Variants in AFAP1L1 observed in about 807,000 individuals in gnomAD.
AFAP1L1 encodes actin filament-associated protein 1-like 1.
Under a neutral mutation model 99.8 loss-of-function variants are expected in AFAP1L1, and 77 were observed. That is an observed-to-expected ratio of 0.77 (90% CI 0.64 to 0.93). AFAP1L1 has a LOEUF of 0.93. Ranked by LOEUF, AFAP1L1 falls within the 40% of genes least tolerant of loss-of-function variation. AFAP1L1 has a pLI of 0.00. For missense variants in AFAP1L1, 893 were observed against 996.8 expected (o/e 0.90, Z 1.40); for synonymous variants, 373 against 395.3 (o/e 0.94, Z 0.67).
intron 7 of AFAP1L1, 145 bp downstream of exon 7, chr5:149,307,758 T>C: frequency 1.3e-6 from 1 of 780,380 alleles, no homozygotes; most frequent in South Asian, 1.7e-5. Context: ...GCTCCCAAGA[T>C]CAGGACTTTC....
At chr5:149,284,705 C>G (rs1305021495) in intron 1 of AFAP1L1, among the ~76,000 whole-genome samples, 1 of 152,148 alleles carries the variant, frequency 6.6e-6, no homozygotes, top group Non-Finnish European at 1.5e-5. Context: ...AACTGGTGTT[C>G]TGGGCCCTGG....
chr5:149,296,287 GC>G (rs1257019488), intron 1 of AFAP1L1, among the ~76,000 whole-genome samples: 3 of 152,176 alleles, frequency 2.0e-5, no homozygotes, highest in African/African-American at 7.2e-5. Context: ...GCCCACCTCA[GC>G]CTCCCAAAAT....
chr5:149,314,824 A>C (rs1444953197), intron 9 of AFAP1L1, among the ~76,000 whole-genome samples: 1 of 152,234 alleles, frequency 6.6e-6, no homozygotes, highest in Non-Finnish European at 1.5e-5. Flanking sequence ...AGAGCTCTGT[A>C]ATTCCACCTT....
chr5:149,277,304 T>C (rs577735799), intron 1 of AFAP1L1, among the ~76,000 whole-genome samples: 1 of 152,366 alleles, frequency 6.6e-6, no homozygotes, highest in Non-Finnish European at 1.5e-5. Context: ...CTGATGCTCT[T>C]CTTTTCATGA....
At chr5:149,304,236 A>G (rs1756324622) in intron 5 of AFAP1L1, 1 of 152,218 alleles carries the variant, frequency 6.6e-6, no homozygotes, top group Non-Finnish European at 1.5e-5. Flanking sequence ...ATCCCACCAT[A>G]CGGATAGACC....
intron 18 of AFAP1L1, among the ~76,000 whole-genome samples, chr5:149,339,434 C>T (rs558731541): frequency 1.3e-5 from 2 of 152,080 alleles, no homozygotes; most frequent in African/African-American, 2.4e-5. Flanking sequence ...CCTCGTGATC[C>T]GCCCACCTCG....
chr5:149,273,646 A>C (rs1471014719), intron 1 of AFAP1L1, among the ~76,000 whole-genome samples: 1 of 152,160 alleles, frequency 6.6e-6, no homozygotes, highest in Non-Finnish European at 1.5e-5. Context: ...TTTCTAGGCA[A>C]GTGTGAAGAG....
chr5:149,319,498 T>A lies in AFAP1L1; in HGVS notation c.1480-84T>A, dbSNP rs533914302. On this transcript the variant is annotated intron_variant, in intron 12 of 18. Transcript: ENST00000296721. The stretch of plus-strand genomic sequence containing the variant: ...GGTACGTAGTCAGTACTTACAAATA[T>A]TTCTGGGTTTGGCTGAAGTCAACAG... 6.8e-6 allele frequency: 10 copies of A among 1,479,830 alleles called. No homozygotes were observed. The Admixed American group carries it at 1.9e-4, about 28-fold the overall frequency. The allele number at this position is 1,479,830 out of a possible 1,614,324, so 91.7% of individuals were successfully genotyped here.
intron 15 of AFAP1L1, among the ~76,000 whole-genome samples, chr5:149,323,705 T>C (rs1360722946): frequency 6.6e-6 from 1 of 152,230 alleles, no homozygotes; most frequent in African/African-American, 2.4e-5. Flanking sequence ...GACTACTGAA[T>C]TACTGTGTAC....
chr5:149,307,558 A>G lies in AFAP1L1; in HGVS notation c.692A>G (p.Lys231Arg). Residue 231 changes from lysine (K) to arginine (R), a missense_variant, in exon 7 of 19, where the codon AAG becomes AGG. Physicochemically the swap from Lys to Arg is conservative, Grantham distance 26 (BLOSUM62 2). Transcript: ENST00000296721. ...ATATGTGCCTTCCTGCTGCGGAAAA[A>G]GCGTTTCGGGCAGTGGGCCAAGCAG... ...CRICAFLLRK[K>R]RFGQWAKQLT... 1 of 1,613,590 alleles carries G rather than the reference A, an allele frequency of 6.2e-7. No homozygotes were observed. The highest frequency in any genetic ancestry group is 8.5e-7 in the Non-Finnish European group (1 of 1,179,938).
chr5:149,280,173 A>T (rs558114345), intron 1 of AFAP1L1, among the ~76,000 whole-genome samples: 1 of 152,350 alleles, frequency 6.6e-6, no homozygotes, highest in East Asian at 1.9e-4. Context: ...TTAGGGACAG[A>T]AATGTAGACT....
intron 16 of AFAP1L1, among the ~76,000 whole-genome samples, chr5:149,330,177 G>A (rs1233468853): frequency 1.3e-5 from 2 of 152,174 alleles, no homozygotes; most frequent in Admixed American, 6.5e-5. Context: ...ATTTTGAACC[G>A]CACCTTCATT....
At chr5:149,277,004 GT>G (rs1343666407) in intron 1 of AFAP1L1, among the ~76,000 whole-genome samples, 1 of 152,180 alleles carries the variant, frequency 6.6e-6, no homozygotes, top group Non-Finnish European at 1.5e-5. Flanking sequence ...TGTCATCACA[GT>G]TTTGCTTTTG....
chr5:149,321,379 T>C (rs1756947181), intron 14 of AFAP1L1, among the ~76,000 whole-genome samples: 1 of 152,152 alleles, frequency 6.6e-6, no homozygotes, highest in South Asian at 2.1e-4. Flanking sequence ...AAGGATATGA[T>C]AAAACCTACC....
At chr5:149,327,837 G>A (rs1205784082) in intron 15 of AFAP1L1, among the ~76,000 whole-genome samples, 3 of 152,068 alleles carry the variant, frequency 2.0e-5, no homozygotes, top group Non-Finnish European at 4.4e-5. Flanking sequence ...GGGAGTACTA[G>A]AAGGAGAAGA....
Position 149,320,740 on chromosome 5 carries a change from G to A in AFAP1L1, c.1698+277G>A, listed in dbSNP as rs1275905591. On this transcript the variant is annotated intron_variant, in intron 14 of 18. Transcript: ENST00000296721. The surrounding 1 kb of genome is among the most constrained non-coding windows in gnomAD (Gnocchi z 4.0). ...AAAGGTGAGGCATCGTCTCCGGTTTGAGCAAGTTGCTGGGGCCCTCCTCCT... is the reference window on the plus strand; with the variant it reads ...AAAGGTGAGGCATCGTCTCCGGTTTAAGCAAGTTGCTGGGGCCCTCCTCCT... Among the ~76,000 whole-genome samples, 1 of 152,178 alleles carries A rather than the reference G, an allele frequency of 6.6e-6. No homozygotes were observed. Among genetic ancestry groups the A allele is most frequent in the Non-Finnish European group, 1.5e-5 (1 of 68,030 alleles).
intron 1 of AFAP1L1, among the ~76,000 whole-genome samples, chr5:149,280,987 T>G (rs1755500975): frequency 6.6e-6 from 1 of 152,242 alleles, no homozygotes. Flanking sequence ...GAACATACCT[T>G]TTTTTAACTT....
At chr5:149,336,703 C>T (rs1460149460) in intron 18 of AFAP1L1, among the ~76,000 whole-genome samples, 1 of 152,170 alleles carries the variant, frequency 6.6e-6, no homozygotes, top group African/African-American at 2.4e-5. Context: ...CCATGATAAC[C>T]CATTAATGCA....
In AFAP1L1 at chr5:149,320,433, C is replaced by A. The variant is rs1005620071; in HGVS notation, c.1668C>A (p.Val556=). 2.5e-5 allele frequency: 41 copies of A among 1,614,078 alleles called. No individual in the cohort carries two copies. The highest frequency in any genetic ancestry group is 3.3e-5 in the Non-Finnish European group (39 of 1,180,046). The change falls in exon 14 of 19, where the codon GTC becomes GTA. Residue 556 remains valine (V), a synonymous_variant. Transcript: ENST00000296721. This position sits in a 1 kb window ranked among gnomAD's most constrained non-coding sequence, Gnocchi z 4.0. ...AGAATCAGTGGCCTGAGCCCCGAGT[C>A]TATGATGATGTTCCTTATGAAAAGA... ...SCQNQWPEPR[V]YDDVPYEKMQ...
Sources: allele counts gnomAD v4.1 joint callset (sites outside exome capture counted in the v4.1 genomes callset), GRCh38; gene constraint gnomAD v4.1.1; non-coding constraint Gnocchi (gnomAD v3.1); transcripts MANE v1.5; gene names NCBI Gene and HGNC (gene_info 2026-07-23, HGNC 2026-07-21).